MSI1: variants seen among roughly 807,000 people sequenced by gnomAD.
MSI1 encodes the protein RNA-binding protein Musashi homolog 1.
In MSI1, 15 loss-of-function variants were observed where a neutral mutation model predicts 54.4. That is an observed-to-expected ratio of 0.28 (90% confidence interval 0.18 to 0.42). The LOEUF (loss-of-function observed/expected upper bound fraction) is 0.42. MSI1 is among the 20% of genes least tolerant of loss of function. The pLI, the probability that MSI1 is intolerant of heterozygous loss-of-function variation, is 1.00. For synonymous variants in MSI1, 200 were observed against 196.5 expected (o/e 1.02, Z -0.15); for missense variants, 304 against 506.0 (o/e 0.60, Z 3.83).
chr12:120,346,162 G>A lies in MSI1; in HGVS notation c.1020C>T (p.Pro340=). The A allele has an allele frequency of 6.3e-7, 1 of 1,593,400 alleles. No individual in the cohort carries two copies. The highest frequency in any genetic ancestry group is 1.3e-5 in the African/African-American group (1 of 74,654). ...CAAGACTGTGGCCGAAGCCGGTGCT[G>A]GGGGCAGGGCTGGCGGCGCTGATGT... The part of the protein sequence containing the change: ...SSYISAASPA[P]STGFGHSLGG... The change falls in exon 13 of 15, where the codon CCC becomes CCT. Residue 340 remains proline, a synonymous_variant. Coordinates refer to ENST00000257552, the MANE Select transcript of MSI1 (RefSeq NM_002442.4).
intron 12 of MSI1, among the ~76,000 whole-genome samples, chr12:120,346,972 C>T (rs918396495): frequency 3.3e-5 from 5 of 151,626 alleles, no homozygotes; most frequent in Non-Finnish European, 5.9e-5. Context: ...TTGAGACAGA[C>T]GGAGTCTCAC....
At chr12:120,349,390 C>T (rs1179436) in intron 11 of MSI1, among the ~76,000 whole-genome samples, 108,986 of 151,850 alleles carry the variant, frequency 0.72, 39,314 homozygotes, top group South Asian at 0.8. Flanking sequence ...TGCACCACCA[C>T]GCCCAGCTAA....
chr12:120,340,056 A>G (rs1383753380), downstream of MSI1, among the ~76,000 whole-genome samples: 1 of 150,210 alleles, frequency 6.7e-6, no homozygotes, highest in African/African-American at 2.5e-5. Flanking sequence ...TGTTTCGATT[A>G]CAGTTGTGAG....
At chr12:120,354,685 C>T (rs968101127) in intron 9 of MSI1, among the ~76,000 whole-genome samples, 4 of 152,226 alleles carry the variant, frequency 2.6e-5, no homozygotes, top group Non-Finnish European at 5.9e-5. Context: ...CCCGCCTCAG[C>T]CTCCCAAAGT....
intron 13 of MSI1, among the ~76,000 whole-genome samples, chr12:120,345,927 C>T (rs1181242715): frequency 6.6e-6 from 1 of 152,164 alleles, no homozygotes; most frequent in Non-Finnish European, 1.5e-5. Context: ...GCACCTAGAG[C>T]CCACTATGCC....
chr12:120,359,051 C>T lies in MSI1; in HGVS notation c.405G>A (p.Val135=). 1 of 1,555,812 alleles carries T rather than the reference C, an allele frequency of 6.4e-7. No homozygotes were observed. Among genetic ancestry groups the T allele is most frequent in the Non-Finnish European group, 8.7e-7 (1 of 1,149,272 alleles). Reference sequence around the variant, plus strand: ...TGTCAAACATCAGCATGGCGTCGTCCACCTGAAACACAGCCCGCCATGGAG... The same window carrying T: ...TGTCAAACATCAGCATGGCGTCGTCTACCTGAAACACAGCCCGCCATGGAG... ...VKQYFEQFGK[V]DDAMLMFDKT... Residue 135 remains valine, a splice_region_variant and synonymous_variant, in exon 7 of 15, where the codon GTG becomes GTA. Coordinates refer to ENST00000257552, the MANE Select transcript of MSI1 (RefSeq NM_002442.4).
intron 10 of MSI1, among the ~76,000 whole-genome samples, chr12:120,352,269 A>G (rs995647676): frequency 4.6e-5 from 7 of 152,114 alleles, no homozygotes; most frequent in African/African-American, 1.7e-4. Flanking sequence ...AGGCTCTTAA[A>G]GTGCTGGGAT....
intron 6 of MSI1, among the ~76,000 whole-genome samples, chr12:120,362,439 A>G (rs1255371023): frequency 6.6e-6 from 1 of 151,978 alleles, no homozygotes; most frequent in Non-Finnish European, 1.5e-5. Context: ...CACAACATCT[A>G]CCTCTTCAGA....
At chr12:120,357,127 A>G (rs963529156) in intron 8 of MSI1, 108 bp from the exon 9 acceptor site, 4 of 1,020,312 alleles carry the variant, frequency 3.9e-6, no homozygotes, top group Non-Finnish European at 6.0e-6. Flanking sequence ...TGTCCAGCTG[A>G]AAACTATTTC....
chr12:120,359,747 C>G (rs1221227947), intron 6 of MSI1, among the ~76,000 whole-genome samples: 1 of 152,100 alleles, frequency 6.6e-6, no homozygotes, highest in Non-Finnish European at 1.5e-5. Context: ...GTGCCACCTT[C>G]CATTTGCCTG....
At chr12:120,363,731 G>T (rs1214757274) in intron 5 of MSI1, among the ~76,000 whole-genome samples, 1 of 152,202 alleles carries the variant, frequency 6.6e-6, no homozygotes. Flanking sequence ...GCTCCCTGGT[G>T]CGGCTTCCTT....
rs1210654415 is a variant in MSI1 at position 120,368,944 on chromosome 12, G to C, written c.60-71C>G. ...GCCAGGGCGCAGGGGGCGCGGGCCC[G>C]GGCTCCGGGGAGGCCCGGCCGGACC... On this transcript the variant is annotated intron_variant, in intron 1 of 14. Transcript: ENST00000257552. This position sits in a 1 kb window ranked among gnomAD's most constrained non-coding sequence, Gnocchi z 6.6. 3.2e-6 allele frequency: 4 copies of C among 1,250,192 alleles called. No homozygotes were observed. The highest frequency in any genetic ancestry group is 3.9e-5 in the Admixed American group (1 of 25,550). 77.4% of individuals were successfully genotyped at this position (1,250,192 alleles called of 1,614,324 possible).
At chr12:120,355,911 C>T (rs1267476026) in intron 9 of MSI1, among the ~76,000 whole-genome samples, 1 of 152,104 alleles carries the variant, frequency 6.6e-6, no homozygotes, top group East Asian at 1.9e-4. Context: ...GCCACTCCCC[C>T]ATGCCTGGCA....
intron 7 of MSI1, among the ~76,000 whole-genome samples, chr12:120,358,389 T>C (rs1480230507): frequency 6.6e-6 from 1 of 151,810 alleles, no homozygotes; most frequent in Non-Finnish European, 1.5e-5. Context: ...TAGGCACAGA[T>C]ACCCCCTTTT....
At chr12:120,350,127 T>A (rs1027785488) in intron 11 of MSI1, among the ~76,000 whole-genome samples, 1 of 152,032 alleles carries the variant, frequency 6.6e-6, no homozygotes, top group Non-Finnish European at 1.5e-5. Flanking sequence ...GCTCAAACGA[T>A]CCTCCCACCT....
chr12:120,359,985 A>C (rs1875491456), intron 6 of MSI1, among the ~76,000 whole-genome samples: 2 of 150,964 alleles, frequency 1.3e-5, no homozygotes, highest in African/African-American at 2.4e-5. Flanking sequence ...CCCAGCATCC[A>C]CCACCTTCTT....
intron 14 of MSI1, among the ~76,000 whole-genome samples, chr12:120,344,274 G>A (rs1431304408): frequency 1.3e-5 from 2 of 152,246 alleles, no homozygotes; most frequent in Non-Finnish European, 2.9e-5. Context: ...ATGCCTAGAA[G>A]TGGAATTGTT....
At position 120,346,101 on chromosome 12, in the gene MSI1, G is replaced by T. The variant is rs192930288; in HGVS notation, c.1047+34C>A. 5 of 1,487,776 alleles carry T rather than the reference G, an allele frequency of 3.4e-6. No individual in the cohort carries two copies. In the African/African-American group the frequency reaches 4.2e-5, roughly 12 times the overall value. The allele number at this position is 1,487,776 out of a possible 1,614,324, so 92.2% of individuals were successfully genotyped here. On this transcript the variant is annotated intron_variant, in intron 13 of 14. Coordinates refer to ENST00000257552, the MANE Select transcript of MSI1 (RefSeq NM_002442.4). ...CTTGGGGGTCTCTCAAGGTGTGGGG[G>T]GTGAGGTGGGGGCCGCTAGGCCTGG...
At chr12:120,367,060 C>T (rs1011445869) in intron 4 of MSI1, among the ~76,000 whole-genome samples, 1 of 152,112 alleles carries the variant, frequency 6.6e-6, no homozygotes, top group Non-Finnish European at 1.5e-5. Context: ...TTACTGCGAG[C>T]GGGAGCGGGA....
Sources: gnomAD v4.1 joint callset for allele counts (sites outside exome capture counted in the v4.1 genomes callset) on GRCh38, gnomAD v4.1.1 for gene constraint, Gnocchi (gnomAD v3.1) non-coding constraint, MANE v1.5 for transcripts, NCBI Gene and HGNC (gene_info 2026-07-23, HGNC 2026-07-21) for gene names.